GUCD1: variants seen among roughly 807,000 people sequenced by gnomAD.
GUCD1 encodes protein GUCD1.
Under a neutral mutation model 28.3 loss-of-function variants are expected in GUCD1, and 17 were observed. That is an observed-to-expected ratio of 0.60 (90% CI 0.41 to 0.90). The LOEUF (loss-of-function observed/expected upper bound fraction) is 0.90, where lower values mean the gene tolerates loss of function less well. GUCD1 is among the 40% of genes least tolerant of loss of function. The pLI is 0.00. For synonymous variants in GUCD1, 129 were observed against 123.3 expected (o/e 1.05, Z -0.30); for missense variants, 279 against 305.5 (o/e 0.91, Z 0.65).
rs574663401 is a variant in GUCD1 at position 24,553,609 on chromosome 22, C to T, written c.43+1340G>A. 1.4e-4 allele frequency among the ~76,000 whole-genome samples: 22 copies of T among 152,374 alleles called. No homozygotes were observed. In the South Asian group the frequency reaches 4.1e-3, roughly 29 times the overall value. ...GACTACAGCCCTCTGTGTGAGGCTCCCTCCTTACTCTGTGGCTTGGGCTGT... is the reference window on the plus strand; with the variant it reads ...GACTACAGCCCTCTGTGTGAGGCTCTCTCCTTACTCTGTGGCTTGGGCTGT... On this transcript the variant is annotated intron_variant, in intron 1 of 5. Coordinates refer to ENST00000435822, the MANE Select transcript of GUCD1 (RefSeq NM_001284254.2).
chr22:24,549,534 C>T (rs1255179236), intron 1 of GUCD1, among the ~76,000 whole-genome samples: 1 of 151,918 alleles, frequency 6.6e-6, no homozygotes, highest in African/African-American at 2.4e-5. Flanking sequence ...TTTTTTTCAA[C>T]AGGGTCTTGC....
rs2044603051 is a variant in GUCD1 at position 24,541,879 on chromosome 22, T to C, written c.*1127A>G. The C allele has an allele frequency of 6.6e-6, 1 of 152,212 alleles. No individual in the cohort carries two copies. Among genetic ancestry groups the C allele is most frequent in the Admixed American group, 6.5e-5 (1 of 15,280 alleles). The allele number at this position is 152,212 out of a possible 1,614,324, so 9.4% of individuals were successfully genotyped here. On this transcript the variant is annotated 3_prime_UTR_variant, in exon 6 of 6. Transcript: ENST00000435822. ...TCCAAAGTACCTTCACTCTTGCTAT[T>C]ACTGTTTTACTTGAAGGTGATTACC...
chr22:24,540,485 A>AAT lies in GUCD1; in HGVS notation c.*2519_*2520dup, dbSNP rs1321882932. On this transcript the variant is annotated 3_prime_UTR_variant, in exon 6 of 6. Coordinates refer to ENST00000435822, the MANE Select transcript of GUCD1 (RefSeq NM_001284254.2). Reference sequence around the variant, plus strand: ...ATTGAGAATGGCTCATTACAAACAAAATATATATAAAATCTCTGCAATGCA... The same window carrying AAT: ...ATTGAGAATGGCTCATTACAAACAAAATATATATATAAAATCTCTGCAATGCA... 3.3e-5 allele frequency: 5 copies of AAT among 152,224 alleles called. No individual in the cohort carries two copies. The highest frequency in any genetic ancestry group is 2.6e-4 in the Admixed American group (4 of 15,286). The allele number at this position is 152,224 out of a possible 1,614,324, so 9.4% of individuals were successfully genotyped here.
intron 4 of GUCD1, among the ~76,000 whole-genome samples, chr22:24,546,193 C>T (rs1485946288): frequency 1.3e-5 from 2 of 152,094 alleles, no homozygotes; most frequent in Non-Finnish European, 2.9e-5. Flanking sequence ...GATCTCCTGA[C>T]CTCGTGATCC....
chr22:24,551,105 C>T (rs544995797), intron 1 of GUCD1, among the ~76,000 whole-genome samples: 9 of 152,342 alleles, frequency 5.9e-5, no homozygotes, highest in Admixed American at 2.6e-4. Flanking sequence ...GACTACCAGA[C>T]GCCAGCCTGC....
intron 1 of GUCD1, among the ~76,000 whole-genome samples, chr22:24,550,778 G>C (rs2044851487): frequency 6.7e-6 from 1 of 148,330 alleles, no homozygotes; most frequent in African/African-American, 2.6e-5. Flanking sequence ...ACCTTCCCCA[G>C]CCTTCAAGGC....
At chr22:24,545,023 TAAAAA>T (rs771666191) in intron 4 of GUCD1, among the ~76,000 whole-genome samples, 2 of 138,264 alleles carry the variant, frequency 1.4e-5, no homozygotes, top group Non-Finnish European at 3.1e-5. Context: ...CCCTGTCTCT[TAAAAA>T]AAAAAAAAAG....
chr22:24,552,680 G>C (rs1406516870), intron 1 of GUCD1, among the ~76,000 whole-genome samples: 3 of 152,060 alleles, frequency 2.0e-5, no homozygotes, highest in African/African-American at 7.2e-5. Flanking sequence ...TGAGGCAGGA[G>C]GATTGCTTGA....
chr22:24,555,279 G>A, upstream of GUCD1: 1 of 1,367,474 alleles, frequency 7.3e-7, no homozygotes, highest in Non-Finnish European at 9.4e-7. Context: ...CGCCGCCTCA[G>A]CGTTGAGTGG....
chr22:24,547,847 C>G (rs1264689298), intron 3 of GUCD1, 61 bp downstream of exon 3: 1 of 1,563,406 alleles, frequency 6.4e-7, no homozygotes, highest in African/African-American at 1.4e-5. Flanking sequence ...ACTACTGGAA[C>G]CAGGTGGCCT....
chr22:24,548,817 G>A (rs1257767765), intron 2 of GUCD1, 100 bp downstream of exon 2: 3 of 877,006 alleles, frequency 3.4e-6, no homozygotes, highest in Non-Finnish European at 5.3e-6. Flanking sequence ...CCCAACCAAA[G>A]ATAGCTACAT....
intron 4 of GUCD1, among the ~76,000 whole-genome samples, chr22:24,544,775 G>A (rs2147073268): frequency 6.6e-6 from 1 of 152,308 alleles, no homozygotes; most frequent in Middle Eastern, 3.4e-3. Flanking sequence ...GCTTTGGGAG[G>A]CCAAAGCGGA....
At position 24,543,168 on chromosome 22, in the gene GUCD1, C is replaced by T. The variant is rs1319290655; in HGVS notation, c.629-71G>A. 3.7e-6 allele frequency: 4 copies of T among 1,086,710 alleles called. No individual in the cohort carries two copies. In the East Asian group the frequency reaches 7.1e-5, roughly 19 times the overall value. 67.3% of individuals were successfully genotyped at this position (1,086,710 alleles called of 1,614,324 possible). The stretch of plus-strand genomic sequence containing the variant: ...GAGCACCTACACCACCGACACAGTG[C>T]CCAGGGGAGCTGAGTGAGGTCTGTT... On this transcript the variant is annotated intron_variant, in intron 5 of 5. Coordinates refer to ENST00000435822, the MANE Select transcript of GUCD1 (RefSeq NM_001284254.2).
chr22:24,550,894 TGCG>T (rs1294402241), intron 1 of GUCD1, among the ~76,000 whole-genome samples: 1 of 152,216 alleles, frequency 6.6e-6, no homozygotes, highest in Non-Finnish European at 1.5e-5. Context: ...CCTCCTAGGA[TGCG>T]GCCCTTGCAT....
intron 1 of GUCD1, among the ~76,000 whole-genome samples, chr22:24,551,737 A>G (rs1373022306): frequency 6.6e-6 from 1 of 152,244 alleles, no homozygotes; most frequent in Admixed American, 6.5e-5. Context: ...TTTCCTTCAC[A>G]GTGCTTGGCA....
At chr22:24,554,796 CGA>C (rs145452932) in intron 1 of GUCD1, among the ~76,000 whole-genome samples, 151 bp downstream of exon 1, 2,899 of 152,328 alleles carry the variant, frequency 0.019, 103 homozygotes, top group African/African-American at 0.067. Context: ...CGCAATCCTG[CGA>C]GTGTCAGGAA....
intron 1 of GUCD1, among the ~76,000 whole-genome samples, chr22:24,549,235 C>T (rs1449055751): frequency 6.6e-6 from 1 of 152,220 alleles, no homozygotes; most frequent in Non-Finnish European, 1.5e-5. Context: ...AGCTGGGTCC[C>T]ACATTCCTTA....
At chr22:24,548,173 T>A in intron 2 of GUCD1, 100 bp from the exon 3 acceptor site, 1 of 987,842 alleles carries the variant, frequency 1.0e-6, no homozygotes, top group Middle Eastern at 2.6e-4. Context: ...ACAGGTCCCA[T>A]TCCCCAGAAG....
In GUCD1 at chr22:24,544,066, T is replaced by C; in HGVS notation, c.404A>G (p.Asp135Gly). The C allele has an allele frequency of 6.2e-7, 1 of 1,610,482 alleles. No homozygotes were observed. The highest frequency in any genetic ancestry group is 1.7e-5 in the Admixed American group (1 of 59,964). ...GCCCTGAGCCAGGTGCGCCTGGATG[T>C]CCTTCACACTCACTGTGCTGTGGGC... Reference protein sequence around the residue: ...LVEKCTVSVKDIQAHLAQGHV... With the variant: ...LVEKCTVSVKGIQAHLAQGHV... Residue 135 changes from aspartate to glycine, a missense_variant, in exon 5 of 6, where the codon GAC becomes GGC. Coordinates refer to ENST00000435822, the MANE Select transcript of GUCD1 (RefSeq NM_001284254.2).
Sources: allele counts gnomAD v4.1 joint callset (sites outside exome capture counted in the v4.1 genomes callset), GRCh38; gene constraint gnomAD v4.1.1; transcripts MANE v1.5; gene names NCBI Gene and HGNC (gene_info 2026-07-23, HGNC 2026-07-21).